Variants in AGBL1 observed in about 807,000 individuals in gnomAD.
AGBL1 encodes AGBL carboxypeptidase 1.
A neutral mutation model predicts 118.9 loss-of-function variants in AGBL1; 130 were observed. The ratio of observed to expected loss-of-function variants is 1.09; its 90% confidence interval spans 0.95 to 1.26. The LOEUF (loss-of-function observed/expected upper bound fraction) is 1.26, where lower values mean the gene tolerates loss of function less well. Among genes scored for constraint, AGBL1 ranks in the 50% most tolerant of loss-of-function variants. The pLI is 0.00. For missense variants in AGBL1, 1,584 were observed against 1,298.1 expected, an observed-to-expected ratio of 1.22 and a Z score of -3.38; for synonymous variants, 555 against 478.9, an observed-to-expected ratio of 1.16 and a Z score of -2.08.
intron 15 of AGBL1, among the ~76,000 whole-genome samples, chr15:86,274,976 A>C (rs543861857): frequency 6.6e-6 from 1 of 152,256 alleles, no homozygotes; most frequent in Admixed American, 6.5e-5. Context: ...CTAGGCTGGA[A>C]AATAAAAAAT....
At chr15:86,173,736 A>G (rs2077445610) in intron 5 of AGBL1, among the ~76,000 whole-genome samples, 1 of 152,070 alleles carries the variant, frequency 6.6e-6, no homozygotes, top group Non-Finnish European at 1.5e-5. Context: ...TGCTTTTTTC[A>G]AAAATCAATT....
At chr15:86,135,553 C>G (rs762150087) in intron 1 of AGBL1, among the ~76,000 whole-genome samples, 2 of 152,146 alleles carry the variant, frequency 1.3e-5, no homozygotes, top group African/African-American at 4.8e-5. Flanking sequence ...GCATCGAGAA[C>G]AGAATGACAA....
chr15:86,808,920 T>C (rs1263818481), intron 22 of AGBL1, among the ~76,000 whole-genome samples: 2 of 152,118 alleles, frequency 1.3e-5, no homozygotes, highest in African/African-American at 2.4e-5. Context: ...TTCAATTACA[T>C]ACTCAATAAC....
chr15:86,529,540 T>C (rs1450480811), intron 19 of AGBL1, among the ~76,000 whole-genome samples: 1 of 130,982 alleles, frequency 7.6e-6, no homozygotes, highest in Non-Finnish European at 1.5e-5. Context: ...CTCTGCAGGA[T>C]ATTATCCAGG....
At position 86,321,128 on chromosome 15, in the gene AGBL1, C is replaced by T. The variant is rs142437848; in HGVS notation, c.2374+25720C>T. 1.3e-4 allele frequency among the ~76,000 whole-genome samples: 20 copies of T among 152,132 alleles called. No homozygotes were observed. The East Asian group carries it at 3.3e-3, about 25-fold the overall frequency. On this transcript the variant is annotated intron_variant, in intron 17 of 22. Coordinates refer to ENST00000614907, the MANE Select transcript of AGBL1 (RefSeq NM_001386094.1). ...TCCCTTAAAATTAAGTGACATAATA[C>T]TCTTTTATTTTTAAATTCTCTGAAG...
intron 1 of AGBL1, among the ~76,000 whole-genome samples, chr15:86,098,615 T>C (rs527436009): frequency 1.3e-5 from 2 of 152,166 alleles, no homozygotes; most frequent in Admixed American, 6.5e-5. Flanking sequence ...CCAAAATCAG[T>C]TGGCTGCAAA....
chr15:86,091,947 C>G (rs1036068514), intron 1 of AGBL1, among the ~76,000 whole-genome samples: 6 of 152,066 alleles, frequency 3.9e-5, no homozygotes, highest in African/African-American at 1.4e-4. Flanking sequence ...CAAAAAAAGC[C>G]TTTTCTGACA....
At chr15:86,462,725 G>T (rs1212019133) in intron 18 of AGBL1, among the ~76,000 whole-genome samples, 2 of 152,030 alleles carry the variant, frequency 1.3e-5, no homozygotes, top group Non-Finnish European at 2.9e-5. Flanking sequence ...GAGAATGATG[G>T]TTTCCAGCTT....
chr15:86,237,088 C>T (rs963024907), intron 6 of AGBL1, among the ~76,000 whole-genome samples: 108 of 152,184 alleles, frequency 7.1e-4, no homozygotes, highest in African/African-American at 2.3e-3. Context: ...CTCTAAAAGC[C>T]GGGCCTTTCC....
chr15:86,832,782 T>C (rs2079123393), intron 22 of AGBL1, among the ~76,000 whole-genome samples: 4 of 152,212 alleles, frequency 2.6e-5, no homozygotes. Flanking sequence ...CCTCTGCCTG[T>C]TACCCAGTTC....
chr15:86,750,686 G>A (rs1487363175), intron 22 of AGBL1, among the ~76,000 whole-genome samples: 1 of 151,892 alleles, frequency 6.6e-6, no homozygotes, highest in African/African-American at 2.4e-5. Flanking sequence ...CAGGTTTGTT[G>A]TGTAGGTAAT....
chr15:86,923,438 C>A (rs1476200434), intron 23 of AGBL1, among the ~76,000 whole-genome samples: 1 of 152,206 alleles, frequency 6.6e-6, no homozygotes, highest in African/African-American at 2.4e-5. Flanking sequence ...ACCTCCTCAC[C>A]TTTTCCTGCT....
In AGBL1 at chr15:86,931,798, C is replaced by A. The variant is rs140140773; in HGVS notation, c.3222-56189C>A. On this transcript the variant is annotated intron_variant, in intron 23 of 24. Transcript: ENST00000441037. The stretch of plus-strand genomic sequence containing the variant: ...CAGTGCCATCATTTATAACTATAAC[C>A]CTGAAGGCATCATGGTTGCCTAAAT... Among the ~76,000 whole-genome samples the A allele has an allele frequency of 8.1e-4, 123 of 152,088 alleles. 1 individual carries two copies. Among genetic ancestry groups the A allele is most frequent in the African/African-American group, 2.9e-3 (122 of 41,478 alleles).
intron 17 of AGBL1, among the ~76,000 whole-genome samples, chr15:86,311,061 G>A (rs377592184): frequency 6.6e-6 from 1 of 152,162 alleles, no homozygotes; most frequent in African/African-American, 2.4e-5. Flanking sequence ...CAGAACAGAA[G>A]CTCAAGGTCT....
intron 22 of AGBL1, among the ~76,000 whole-genome samples, chr15:86,804,242 T>C (rs1172734975): frequency 6.6e-6 from 1 of 152,176 alleles, no homozygotes; most frequent in Non-Finnish European, 1.5e-5. Context: ...GAGACTTCCA[T>C]CTGTTAAGTG....
At chr15:86,158,482 A>T (rs1477848198) in intron 4 of AGBL1, among the ~76,000 whole-genome samples, 1 of 152,198 alleles carries the variant, frequency 6.6e-6, no homozygotes, top group Non-Finnish European at 1.5e-5. Flanking sequence ...ACATGAGCAG[A>T]GCTCTACCTA....
intron 23 of AGBL1, among the ~76,000 whole-genome samples, chr15:86,971,696 G>T (rs1044483510): frequency 1.3e-5 from 2 of 151,866 alleles, no homozygotes; most frequent in Non-Finnish European, 2.9e-5. Flanking sequence ...AAACATTGCA[G>T]CTCCCTCTCT....
At chr15:86,992,252 G>C (rs897904248) in intron 24 of AGBL1, among the ~76,000 whole-genome samples, 2 of 152,116 alleles carry the variant, frequency 1.3e-5, no homozygotes, top group Non-Finnish European at 2.9e-5. Flanking sequence ...AGGACACCAA[G>C]CCATTCATGA....
chr15:86,813,324 G>A (rs184159340), intron 22 of AGBL1, among the ~76,000 whole-genome samples: 77 of 152,066 alleles, frequency 5.1e-4, no homozygotes, highest in African/African-American at 1.8e-3. Flanking sequence ...CTCCATTCTC[G>A]TTTTCCCAAT....
Sources: gnomAD v4.1 joint callset for allele counts (sites outside exome capture counted in the v4.1 genomes callset) on GRCh38, gnomAD v4.1.1 for gene constraint, MANE v1.5 for transcripts, NCBI Gene and HGNC (gene_info 2026-07-23, HGNC 2026-07-21) for gene names.